The following CTF1 variants were observed in gnomAD, a reference collection of about 807,000 sequenced individuals.
CTF1 encodes the protein cardiotrophin-1.
Under a neutral mutation model 10.9 loss-of-function variants are expected in CTF1, and 9 were observed. The observed-to-expected ratio is 0.83, with a 90% CI of 0.50 to 1.44. The LOEUF is 1.44. Ranked by LOEUF, CTF1 falls within the 40% of genes most tolerant of loss-of-function variation. The pLI, the probability that CTF1 is intolerant of heterozygous loss-of-function variation, is 0.00. For synonymous variants in CTF1, 133 were observed against 138.8 expected, an observed-to-expected ratio of 0.96 and a Z score of 0.29; for missense variants, 259 against 275.3, an observed-to-expected ratio of 0.94 and a Z score of 0.42.
intron 2 of CTF1, among the ~76,000 whole-genome samples, chr16:30,901,296 C>G (rs1197091328): frequency 6.6e-6 from 1 of 152,092 alleles, no homozygotes; most frequent in Non-Finnish European, 1.5e-5. Flanking sequence ...AATGAAGCCC[C>G]CTTGGCCCCT....
chr16:30,901,308 G>A (rs2055398773), intron 2 of CTF1, among the ~76,000 whole-genome samples: 2 of 152,130 alleles, frequency 1.3e-5, no homozygotes, highest in East Asian at 3.8e-4. Context: ...TTGGCCCCTG[G>A]ACTATCTTAT....
chr16:30,899,530 ATATG>A lies in CTF1; in HGVS notation c.143_144+2del, dbSNP rs2055383761. On this transcript the variant is annotated splice_donor_variant and coding_sequence_variant, in exon 2 of 3. Transcript: ENST00000279804. LOFTEE classifies it high-confidence loss of function. ...AATACGCTGAGCAGCTGCTCCAGGA[ATATG>A]TGAGTGGGAATGGGGGTGGGGGTGC... is the stretch of plus-strand genomic sequence containing the variant. The A allele has an allele frequency of 8.7e-7, 1 of 1,150,136 alleles. No homozygotes were observed. Among genetic ancestry groups the A allele is most frequent in the African/African-American group, 1.6e-5 (1 of 64,130 alleles). The allele number at this position is 1,150,136 out of a possible 1,614,324, so 71.2% of individuals were successfully genotyped here. A position where few individuals can be genotyped will look rare whatever the true frequency, so the allele number is the denominator to read the frequency against.
chr16:30,895,930 C>T (rs2055343483), upstream of CTF1, among the ~76,000 whole-genome samples: 1 of 152,142 alleles, frequency 6.6e-6, no homozygotes, highest in Admixed American at 6.5e-5. Context: ...GACCGCGAGC[C>T]CCTCGCGGGG....
In CTF1 at chr16:30,902,520, T is replaced by G. The variant is rs1239776902; in HGVS notation, c.587T>G (p.Leu196Arg). The G allele has an allele frequency of 1.3e-6, 2 of 1,495,776 alleles. No homozygotes were observed. The highest frequency in any genetic ancestry group is 2.9e-5 in the African/African-American group (2 of 69,092). The allele number at this position is 1,495,776 out of a possible 1,614,324, so 92.7% of individuals were successfully genotyped here. ...SRTEGDLGQL[L>R]PGGSA ...ACCGAGGGCGACCTGGGCCAGCTGCTGCCCGGGGGCTCGGCCTGAGCGCCG... is the reference window on the plus strand; with the variant it reads ...ACCGAGGGCGACCTGGGCCAGCTGCGGCCCGGGGGCTCGGCCTGAGCGCCG... Residue 196 changes from leucine to arginine, a missense_variant, in exon 3 of 3, where the codon CTG becomes CGG. Coordinates refer to ENST00000279804, the MANE Select transcript of CTF1 (RefSeq NM_001330.5).
chr16:30,901,031 T>C (rs2055396676), intron 2 of CTF1, among the ~76,000 whole-genome samples: 2 of 152,030 alleles, frequency 1.3e-5, no homozygotes, highest in Admixed American at 1.3e-4. Context: ...GTAGCTGGGA[T>C]TACAGTCACC....
Position 30,896,617 on chromosome 16 carries a change from G to A in CTF1, c.-27G>A. The A allele has an allele frequency of 8.0e-7, 1 of 1,253,598 alleles. No homozygotes were observed. The highest frequency in any genetic ancestry group is 1.0e-6 in the Non-Finnish European group (1 of 990,492). 77.7% of individuals were successfully genotyped at this position (1,253,598 alleles called of 1,614,324 possible). On this transcript the variant is annotated 5_prime_UTR_variant, in exon 1 of 3. Coordinates refer to ENST00000279804, the MANE Select transcript of CTF1 (RefSeq NM_001330.5). ...TCCCCCCTCGAAAGGGGGGCGTGAA[G>A]GGAGCCGGGATCAGCCAGGGGCCAG...
In CTF1 at chr16:30,902,425, C is replaced by T; in HGVS notation, c.492C>T (p.Ala164=). Residue 164 remains alanine, a synonymous_variant, in exon 3 of 3, where the codon GCC becomes GCT. Coordinates refer to ENST00000279804, the MANE Select transcript of CTF1 (RefSeq NM_001330.5). ...PPAATASAAS[A]TGVFPAKVLG... is the part of the protein sequence containing the mutation. ...CCGCCACCGCCTCAGCCGCCTCCGC[C>T]ACCGGGGTCTTCCCCGCCAAGGTGC... is the stretch of plus-strand genomic sequence containing the variant. The T allele has an allele frequency of 7.1e-7, 1 of 1,400,752 alleles. No homozygotes were observed. Among genetic ancestry groups the T allele is most frequent in the Non-Finnish European group, 9.3e-7 (1 of 1,074,060 alleles). 86.8% of individuals were successfully genotyped at this position (1,400,752 alleles called of 1,614,324 possible).
Position 30,896,962 on chromosome 16 carries a change from C to G in CTF1, c.25+294C>G, listed in dbSNP as rs961289980. 2.6e-5 allele frequency among the ~76,000 whole-genome samples: 4 copies of G among 152,002 alleles called. No individual in the cohort carries two copies. The South Asian group carries it at 8.3e-4, about 32-fold the overall frequency. ...ACTGGGGTCGGGGCTGGGGCAGGAC[C>G]CCTGCGTCCACTGAGTCTCGGGAAA... is the stretch of plus-strand genomic sequence containing the variant. On this transcript the variant is annotated intron_variant, in intron 1 of 2. Transcript: ENST00000279804.
rs2089040427 is a variant in CTF1 at position 30,902,698 on chromosome 16, G to A, written c.*159G>A. ...TTTTGTGGGGGAGAGGGGAGGGGAC[G>A]GGCAGGGTCTCTGTCGCCCAGGCTG... On this transcript the variant is annotated 3_prime_UTR_variant, in exon 3 of 3. Transcript: ENST00000279804. 3 of 1,148,716 alleles carry A rather than the reference G, an allele frequency of 2.6e-6. No homozygotes were observed. The allele number at this position is 1,148,716 out of a possible 1,614,324, so 71.2% of individuals were successfully genotyped here.
At chr16:30,897,914 C>T (rs2055367868) in intron 1 of CTF1, among the ~76,000 whole-genome samples, 1 of 152,008 alleles carries the variant, frequency 6.6e-6, no homozygotes, top group African/African-American at 2.4e-5. Context: ...GGCTGGAGTG[C>T]AGTGGCCTTG....
intron 1 of CTF1, among the ~76,000 whole-genome samples, chr16:30,897,060 G>T (rs991026130): frequency 1.3e-5 from 2 of 149,798 alleles, no homozygotes; most frequent in African/African-American, 4.9e-5. Flanking sequence ...GAAGTAGTGA[G>T]TGACAACAGG....
At chr16:30,896,150 G>A (rs936296000), upstream of CTF1, among the ~76,000 whole-genome samples, 1 of 151,950 alleles carries the variant, frequency 6.6e-6, no homozygotes, top group African/African-American at 2.4e-5. Context: ...AATGAGATTG[G>A]AAGCCATCTA....
chr16:30,898,600 A>G (rs1177121627), intron 1 of CTF1, among the ~76,000 whole-genome samples: 1 of 152,032 alleles, frequency 6.6e-6, no homozygotes, highest in Non-Finnish European at 1.5e-5. Flanking sequence ...ACCGATATAT[A>G]TTATATAATA....
intron 1 of CTF1, among the ~76,000 whole-genome samples, chr16:30,896,906 G>C (rs571767798): frequency 1.3e-5 from 2 of 152,260 alleles, no homozygotes; most frequent in African/African-American, 4.8e-5. Flanking sequence ...TCAGGGCTTA[G>C]ATCACCGGTT....
rs2143245784 is a variant in CTF1 at position 30,902,266 on chromosome 16, G to A, written c.333G>A (p.Leu111=). 1 of 1,063,176 alleles carries A rather than the reference G, an allele frequency of 9.4e-7. No individual in the cohort carries two copies. Among genetic ancestry groups the A allele is most frequent in the Non-Finnish European group, 1.1e-6 (1 of 882,518 alleles). 65.9% of individuals were successfully genotyped at this position (1,063,176 alleles called of 1,614,324 possible). The part of the protein sequence containing the change: ...LDAVCRRQAE[L]NPRAPRLLRR... ...CAGTGTGTCGCCGCCAGGCCGAGCT[G>A]AACCCGCGCGCGCCGCGCCTGCTGC... Residue 111 remains leucine, a synonymous_variant, in exon 3 of 3, where the codon CTG becomes CTA. Transcript: ENST00000279804.
intron 2 of CTF1, among the ~76,000 whole-genome samples, chr16:30,900,456 A>C (rs1178849813): frequency 6.6e-6 from 1 of 152,182 alleles, no homozygotes; most frequent in African/African-American, 2.4e-5. Context: ...TAGTGGGAGA[A>C]TAGTGGCATA....
Position 30,903,089 on chromosome 16 carries a change from A to G in CTF1, c.*550A>G, listed in dbSNP as rs547167699. The G allele has an allele frequency of 8.8e-4, 134 of 152,942 alleles. No individual in the cohort carries two copies. The highest frequency in any genetic ancestry group is 1.6e-3 in the Non-Finnish European group (109 of 68,444). 9.5% of individuals were successfully genotyped at this position (152,942 alleles called of 1,614,324 possible). On this transcript the variant is annotated 3_prime_UTR_variant, in exon 3 of 3. Coordinates refer to ENST00000279804, the MANE Select transcript of CTF1 (RefSeq NM_001330.5). Reference sequence around the variant, plus strand: ...CTCCCTCCTTCCTTGGGCCTGCCTCAGTTCCCTTTGGCCTCCCCCTTTACC... The same window carrying G: ...CTCCCTCCTTCCTTGGGCCTGCCTCGGTTCCCTTTGGCCTCCCCCTTTACC...
chr16:30,896,180 T>C (rs553473142), upstream of CTF1, among the ~76,000 whole-genome samples: 43 of 152,220 alleles, frequency 2.8e-4, no homozygotes, highest in African/African-American at 9.9e-4. Flanking sequence ...AGGAGATGTA[T>C]GTCTGGACAA....
In CTF1 at chr16:30,902,484, G is replaced by A. The variant is rs1316099233; in HGVS notation, c.551G>A (p.Trp184Ter). The change falls in exon 3 of 3, where the codon TGG becomes TAG. Residue 184 changes from tryptophan to a stop codon, truncating the protein, a stop_gained. Transcript: ENST00000279804. LOFTEE classifies it high-confidence loss of function. ...GLRVCGLYREWLSRTEGDLGQ... is the reference protein window; with the variant it reads ...GLRVCGLYRE ...CGCGTTTGCGGCCTCTACCGCGAGTGGCTGAGCCGCACCGAGGGCGACCTG... is the reference window on the plus strand; with the variant it reads ...CGCGTTTGCGGCCTCTACCGCGAGTAGCTGAGCCGCACCGAGGGCGACCTG... 9.4e-6 allele frequency: 14 copies of A among 1,483,190 alleles called. No homozygotes were observed. The East Asian group carries it at 4.0e-4, about 43-fold the overall frequency. 91.9% of individuals were successfully genotyped at this position (1,483,190 alleles called of 1,614,324 possible).
Sources: gnomAD v4.1 joint callset for allele counts (sites outside exome capture counted in the v4.1 genomes callset) on GRCh38, gnomAD v4.1.1 for gene constraint, MANE v1.5 for transcripts, NCBI Gene and HGNC (gene_info 2026-07-23, HGNC 2026-07-21) for gene names.